The following GNA11 variants were observed in gnomAD, a reference collection of about 807,000 sequenced individuals.
The protein encoded by GNA11 is guanine nucleotide-binding protein subunit alpha-11.
In GNA11, 8 loss-of-function variants were observed where a neutral mutation model predicts 38.2. The ratio of observed to expected loss-of-function variants is 0.21; its 90% CI spans 0.12 to 0.38. The LOEUF (loss-of-function observed/expected upper bound fraction) is 0.38, where lower values mean the gene tolerates loss of function less well. Among genes scored for constraint, GNA11 ranks in the 10% least tolerant of loss-of-function variants. The pLI, the probability that GNA11 is intolerant of heterozygous loss-of-function variation, is 1.00. For synonymous variants in GNA11, 211 were observed against 221.4 expected, an observed-to-expected ratio of 0.95 and a Z score of 0.42; for missense variants, 268 against 516.3, an observed-to-expected ratio of 0.52 and a Z score of 4.66.
At chr19:3,111,375 A>T (rs577339420) in intron 2 of GNA11, among the ~76,000 whole-genome samples, 19 of 151,744 alleles carry the variant, frequency 1.3e-4, no homozygotes, top group African/African-American at 4.1e-4. Flanking sequence ...GCCTCTGTGG[A>T]TCGGTCTGTC....
intron 1 of GNA11, among the ~76,000 whole-genome samples, chr19:3,102,724 A>C (rs1913536195): frequency 6.6e-6 from 1 of 152,138 alleles, no homozygotes; most frequent in Admixed American, 6.5e-5. Flanking sequence ...CCCCTTGTGA[A>C]GCTGGATGAG....
Position 3,110,025 on chromosome 19 carries a change from C to T in GNA11, c.137-124C>T. 1 of 692,120 alleles carries T rather than the reference C, an allele frequency of 1.4e-6. No homozygotes were observed. Among genetic ancestry groups the T allele is most frequent in the Non-Finnish European group, 2.4e-6 (1 of 412,134 alleles). The allele number at this position is 692,120 out of a possible 1,614,324, so 42.9% of individuals were successfully genotyped here. On this transcript the variant is annotated intron_variant, in intron 1 of 6. Transcript: ENST00000078429. This position sits in a 1 kb window ranked among gnomAD's most constrained non-coding sequence, Gnocchi z 5.4. ...CCGTGGCGTCTGGTGGAGAGACGGT[C>T]AGCCTCACGTGCCTTGGTTTCCTGT... is the stretch of plus-strand genomic sequence containing the variant.
chr19:3,100,657 C>G (rs923282676), intron 1 of GNA11, among the ~76,000 whole-genome samples: 1 of 152,158 alleles, frequency 6.6e-6, no homozygotes, highest in Non-Finnish European at 1.5e-5. Context: ...CAGTGCGCAG[C>G]TGGCTCTCAG....
At chr19:3,095,974 C>T (rs1425183656) in intron 1 of GNA11, among the ~76,000 whole-genome samples, 3 of 152,024 alleles carry the variant, frequency 2.0e-5, no homozygotes, top group Non-Finnish European at 2.9e-5. Flanking sequence ...GAAGCTCTTG[C>T]CCTGCCCCGC....
rs935797975 is a variant in GNA11 at position 3,123,008 on chromosome 19, G to T, written c.*1829G>T. 10 of 233,202 alleles carry T rather than the reference G, an allele frequency of 4.3e-5. No homozygotes were observed. In the Admixed American group the frequency reaches 5.6e-4, roughly 13 times the overall value. 14.4% of individuals were successfully genotyped at this position (233,202 alleles called of 1,614,324 possible). On this transcript the variant is annotated 3_prime_UTR_variant, in exon 7 of 7. Transcript: ENST00000078429. ...CGGAAGCGTCCTTTTTTTGTGCCAG[G>T]TGTCTACCTAAGAGGGTTGGTGCCA...
At position 3,123,194 on chromosome 19, in the gene GNA11, C is replaced by T. The variant is rs527282764; in HGVS notation, c.*2015C>T. The T allele has an allele frequency of 3.0e-5, 7 of 233,362 alleles. No homozygotes were observed. Among genetic ancestry groups the T allele is most frequent in the South Asian group, 1.8e-4 (1 of 5,528 alleles). The allele number at this position is 233,362 out of a possible 1,614,324, so 14.5% of individuals were successfully genotyped here. A position where few individuals can be genotyped will look rare whatever the true frequency, so the allele number is the denominator to read the frequency against. ...CCTAGATTGCACAAGGTGACCTGGC[C>T]GTGGCCTGAGGGTGGAGTCGCCCAG... On this transcript the variant is annotated 3_prime_UTR_variant, in exon 7 of 7. Coordinates refer to ENST00000078429, the MANE Select transcript of GNA11 (RefSeq NM_002067.5).
Position 3,113,164 on chromosome 19 carries a change from G to A in GNA11, c.322-166G>A, listed in dbSNP as rs76628104. Among the ~76,000 whole-genome samples the A allele has an allele frequency of 0.031, 4,694 of 152,354 alleles. 245 individuals are homozygous for A. The highest frequency in any genetic ancestry group is 0.11 in the African/African-American group (4,445 of 41,584). The stretch of plus-strand genomic sequence containing the variant: ...AGGAACCACACCGCCAGGCGGCCTC[G>A]CGTTTTTCTGACACGTGTTCACACG... On this transcript the variant is annotated intron_variant, in intron 2 of 6. Coordinates refer to ENST00000078429, the MANE Select transcript of GNA11 (RefSeq NM_002067.5).
chr19:3,098,855 G>A (rs867325348), intron 1 of GNA11, among the ~76,000 whole-genome samples: 15 of 152,226 alleles, frequency 9.9e-5, no homozygotes, highest in African/African-American at 3.4e-4. Flanking sequence ...CCAGGGAGAC[G>A]TGGGGACTTG....
rs764970128 is a variant in GNA11, at chr19:3,108,584, C to T, written c.137-1565C>T. 2.6e-5 allele frequency among the ~76,000 whole-genome samples: 4 copies of T among 151,792 alleles called. No homozygotes were observed. Among genetic ancestry groups the T allele is most frequent in the Non-Finnish European group, 4.4e-5 (3 of 67,960 alleles). On this transcript the variant is annotated intron_variant, in intron 1 of 6. Coordinates refer to ENST00000078429, the MANE Select transcript of GNA11 (RefSeq NM_002067.5). The surrounding 1 kb of genome is among the most constrained non-coding windows in gnomAD (Gnocchi z 4.5). ...GGTGACGCTTGAGTCTCTAGGGCAC[C>T]GGGGGCCTGAGCAAGGTTAATACCT...
rs1417837820 is a variant in GNA11, at chr19:3,122,579, G to T, written c.*1400G>T. The T allele has an allele frequency of 8.6e-6, 2 of 233,082 alleles. No individual in the cohort carries two copies. The highest frequency in any genetic ancestry group is 4.4e-5 in the African/African-American group (2 of 45,328). 14.4% of individuals were successfully genotyped at this position (233,082 alleles called of 1,614,324 possible). A position where few individuals can be genotyped will look rare whatever the true frequency, so the allele number is the denominator to read the frequency against. ...GAACGAGGGGACTGTGTTTGGGGAG[G>T]TGGCTTTTTCGTCTGCTGTTGACTG... is the stretch of plus-strand genomic sequence containing the variant. On this transcript the variant is annotated 3_prime_UTR_variant, in exon 7 of 7. Transcript: ENST00000078429. This position sits in a 1 kb window ranked among gnomAD's most constrained non-coding sequence, Gnocchi z 7.7.
intron 4 of GNA11, among the ~76,000 whole-genome samples, chr19:3,116,386 G>A (rs901915237): frequency 1.2e-4 from 18 of 152,166 alleles, no homozygotes; most frequent in African/African-American, 1.2e-4. Context: ...GGTGTGGGCC[G>A]GGCCAGGTCC....
chr19:3,114,904 C>T (rs747280155), intron 3 of GNA11, 40 bp from the exon 4 acceptor site: 11 of 1,563,518 alleles, frequency 7.0e-6, no homozygotes, highest in Non-Finnish European at 9.6e-6. Flanking sequence ...TGCCCCCCCA[C>T]CCCCGGCAGC....
chr19:3,114,923 G>T (rs1913870819), intron 3 of GNA11, 21 bp from the exon 4 acceptor site: 4 of 1,591,488 alleles, frequency 2.5e-6, no homozygotes, highest in Non-Finnish European at 3.4e-6. Flanking sequence ...GCCGGCCTGA[G>T]CACCCACCGC....
chr19:3,122,310 C>T lies in GNA11; in HGVS notation c.*1131C>T, dbSNP rs1018322346. On this transcript the variant is annotated 3_prime_UTR_variant, in exon 7 of 7. Coordinates refer to ENST00000078429, the MANE Select transcript of GNA11 (RefSeq NM_002067.5). The surrounding 1 kb of genome is among the most constrained non-coding windows in gnomAD (Gnocchi z 7.7). ...TGGCCTTGTCCCAAGCACTTGCGCCCGCCCCCGAGCGCCGCCCCCGGGGAG... is the reference window on the plus strand; with the variant it reads ...TGGCCTTGTCCCAAGCACTTGCGCCTGCCCCCGAGCGCCGCCCCCGGGGAG... 9 of 232,490 alleles carry T rather than the reference C, an allele frequency of 3.9e-5. No homozygotes were observed. Among genetic ancestry groups the T allele is most frequent in the South Asian group, 1.8e-4 (1 of 5,532 alleles). The allele number at this position is 232,490 out of a possible 1,614,324, so 14.4% of individuals were successfully genotyped here.
intron 1 of GNA11, among the ~76,000 whole-genome samples, chr19:3,099,325 G>T (rs1371663305): frequency 1.3e-5 from 2 of 152,328 alleles, no homozygotes; most frequent in Admixed American, 1.3e-4. Context: ...GTGGAGGATG[G>T]GAAGCCTTGT....
rs141911153 is a variant in GNA11 at position 3,123,192 on chromosome 19, G to A, written c.*2013G>A. ...GGCCTAGATTGCACAAGGTGACCTG[G>A]CCGTGGCCTGAGGGTGGAGTCGCCC... On this transcript the variant is annotated 3_prime_UTR_variant, in exon 7 of 7. Coordinates refer to ENST00000078429, the MANE Select transcript of GNA11 (RefSeq NM_002067.5). 87 of 233,398 alleles carry A rather than the reference G, an allele frequency of 3.7e-4. No homozygotes were observed. The highest frequency in any genetic ancestry group is 1.7e-3 in the African/African-American group (79 of 45,480). The allele number at this position is 233,398 out of a possible 1,614,324, so 14.5% of individuals were successfully genotyped here. A position where few individuals can be genotyped will look rare whatever the true frequency, so the allele number is the denominator to read the frequency against.
intron 4 of GNA11, chr19:3,117,766 C>G (rs1251226696): frequency 2.0e-5 from 3 of 152,380 alleles, no homozygotes; most frequent in Non-Finnish European, 2.9e-5. Flanking sequence ...CCGCCTCTGT[C>G]CACCACACGC....
Position 3,110,212 on chromosome 19 carries a change from A to G in GNA11, c.200A>G (p.Tyr67Cys). ...ATGCGCATCATCCACGGCGCCGGCT[A>G]CTCGGAGGAGGACAAGCGCGGCTTC... ...KQMRIIHGAG[Y>C]SEEDKRGFTK... Residue 67 changes from tyrosine (Y) to cysteine (C), a missense_variant, in exon 2 of 7, where the codon TAC becomes TGC. Tyr to Cys is a radical substitution (Grantham distance 194, BLOSUM62 -2). This residue lies in a region of GNA11 where 151 missense variants were observed against 254.0 expected (regional missense o/e 0.59). Transcript: ENST00000078429. This position sits in a 1 kb window ranked among gnomAD's most constrained non-coding sequence, Gnocchi z 5.4. 6.2e-7 allele frequency: 1 copy of G among 1,613,730 alleles called. No individual in the cohort carries two copies. The highest frequency in any genetic ancestry group is 8.5e-7 in the Non-Finnish European group (1 of 1,179,854).
chr19:3,122,004 C>G lies in GNA11; in HGVS notation c.*825C>G. On this transcript the variant is annotated 3_prime_UTR_variant, in exon 7 of 7. Transcript: ENST00000078429. The surrounding 1 kb of genome is among the most constrained non-coding windows in gnomAD (Gnocchi z 7.7). ...CTCTGGGCTGTGCCTCCGGGGCCAA[C>G]ACTGGCTGCTTGGGGCTGCCCGGGG... The G allele has an allele frequency of 4.3e-6, 1 of 233,408 alleles. No homozygotes were observed. Among genetic ancestry groups the G allele is most frequent in the Non-Finnish European group, 8.5e-6 (1 of 117,980 alleles). The allele number at this position is 233,408 out of a possible 1,614,324, so 14.5% of individuals were successfully genotyped here.
Sources: gnomAD v4.1 joint callset for allele counts (sites outside exome capture counted in the v4.1 genomes callset) on GRCh38, gnomAD v4.1.1 for gene constraint, gnomAD v4.1.1 regional missense constraint, Gnocchi (gnomAD v3.1) non-coding constraint, MANE v1.5 for transcripts, NCBI Gene and HGNC (gene_info 2026-07-23, HGNC 2026-07-21) for gene names.